Variants in SHISA9 observed in about 807,000 individuals in gnomAD.
The protein encoded by SHISA9 is protein shisa-9.
SHISA9 carries 13 observed loss-of-function variants against 38.0 expected under a neutral mutation model. The ratio of observed to expected loss-of-function variants is 0.34; its 90% confidence interval spans 0.22 to 0.54. The LOEUF (loss-of-function observed/expected upper bound fraction) is 0.54, where lower values mean the gene tolerates loss of function less well. Ranked by LOEUF, SHISA9 falls within the 20% of genes least tolerant of loss-of-function variation. The probability of loss-of-function intolerance (pLI) is 0.91; values close to 1 mark genes in which losing one functional copy is unlikely to be tolerated. For synonymous variants in SHISA9, 275 were observed against 242.0 expected, an observed-to-expected ratio of 1.14 and a Z score of -1.27; for missense variants, 538 against 575.8, an observed-to-expected ratio of 0.93 and a Z score of 0.67.
the SHISA9 span, among the ~76,000 whole-genome samples, chr16:13,471,586 C>T: frequency 6.6e-6 from 1 of 152,096 alleles, no homozygotes; most frequent in African/African-American, 2.4e-5. Flanking sequence ...CCTTGGAATG[C>T]ATCAATTGAG....
At chr16:13,378,396 C>CT in the SHISA9 span, among the ~76,000 whole-genome samples, 1 of 152,178 alleles carries the variant, frequency 6.6e-6, no homozygotes, top group East Asian at 1.9e-4. Context: ...CCTGGCATTA[C>CT]TAGAGTGCCT....
the SHISA9 span, among the ~76,000 whole-genome samples, chr16:13,322,119 G>A: frequency 7.2e-5 from 11 of 152,152 alleles, no homozygotes; most frequent in African/African-American, 1.9e-4. Context: ...TGCCAGCTAC[G>A]TAGTATATTA....
At chr16:13,384,156 T>C in the SHISA9 span, among the ~76,000 whole-genome samples, 1 of 152,204 alleles carries the variant, frequency 6.6e-6, no homozygotes, top group African/African-American at 2.4e-5. Flanking sequence ...CTAGCAAATT[T>C]CATTCTTCTC....
intron 2 of SHISA9, among the ~76,000 whole-genome samples, chr16:13,162,513 G>C (rs1596692693): frequency 6.6e-6 from 1 of 152,198 alleles, no homozygotes; most frequent in Admixed American, 6.5e-5. Context: ...ACACGAGACT[G>C]ATTGCTTGAC....
chr16:13,221,438 C>T (rs1482982434), intron 4 of SHISA9, among the ~76,000 whole-genome samples: 8 of 134,982 alleles, frequency 5.9e-5, no homozygotes, highest in Admixed American at 1.5e-4. Context: ...AATACCTGGA[C>T]TTTTTTTTTT....
the SHISA9 span, among the ~76,000 whole-genome samples, chr16:13,553,491 A>C: frequency 3.9e-5 from 6 of 152,194 alleles, no homozygotes; most frequent in Non-Finnish European, 8.8e-5. Flanking sequence ...AAGGTAAAGC[A>C]GGGATTCGAT....
intron 2 of SHISA9, among the ~76,000 whole-genome samples, chr16:13,144,530 G>C (rs540952034): frequency 7.2e-5 from 11 of 152,212 alleles, no homozygotes; most frequent in African/African-American, 2.6e-4. Context: ...TCTAGGTTCT[G>C]AGTTCTTTGG....
chr16:13,360,212 C>T, the SHISA9 span, among the ~76,000 whole-genome samples: 1 of 152,218 alleles, frequency 6.6e-6, no homozygotes. Context: ...CAAGACCACT[C>T]AGAGAACTGT....
chr16:13,398,378 T>C, the SHISA9 span, among the ~76,000 whole-genome samples: 7 of 152,276 alleles, frequency 4.6e-5, no homozygotes, highest in East Asian at 1.2e-3. Context: ...CACAGGGAGT[T>C]GATACTCCTA....
the SHISA9 span, among the ~76,000 whole-genome samples, chr16:13,521,259 C>CT: frequency 1.3e-5 from 2 of 152,230 alleles, no homozygotes; most frequent in Non-Finnish European, 1.5e-5. Flanking sequence ...TTCTTCCCTG[C>CT]TCACCATGTT....
chr16:13,083,804 G>C (rs1179772206), intron 2 of SHISA9, among the ~76,000 whole-genome samples: 1 of 152,170 alleles, frequency 6.6e-6, no homozygotes, highest in Non-Finnish European at 1.5e-5. Flanking sequence ...GACGAAGGTG[G>C]CTGTGAGCCA....
chr16:13,178,553 C>T (rs1428258339), intron 2 of SHISA9, among the ~76,000 whole-genome samples: 2 of 152,096 alleles, frequency 1.3e-5, no homozygotes, highest in African/African-American at 4.8e-5. Context: ...AACATTTAAC[C>T]ATTTGGCTAT....
At chr16:13,267,531 A>G in the SHISA9 span, among the ~76,000 whole-genome samples, 1 of 152,152 alleles carries the variant, frequency 6.6e-6, no homozygotes, top group African/African-American at 2.4e-5. Flanking sequence ...TAATTCAACA[A>G]TTCTACCTCC....
chr16:13,301,105 G>C, the SHISA9 span, among the ~76,000 whole-genome samples: 1 of 152,118 alleles, frequency 6.6e-6, no homozygotes, highest in Non-Finnish European at 1.5e-5. Context: ...GTATGCAAGA[G>C]TCTGCCCAGA....
chr16:13,421,715 C>G, the SHISA9 span, among the ~76,000 whole-genome samples: 2 of 152,136 alleles, frequency 1.3e-5, no homozygotes, highest in Non-Finnish European at 2.9e-5. Flanking sequence ...ATAAAAGAAC[C>G]CAATACAATA....
the SHISA9 span, among the ~76,000 whole-genome samples, chr16:13,539,598 G>GA: frequency 6.6e-6 from 1 of 151,900 alleles, no homozygotes; most frequent in Non-Finnish European, 1.5e-5. Flanking sequence ...GGTTTGATTT[G>GA]AATTTCCAAC....
the SHISA9 span, among the ~76,000 whole-genome samples, chr16:13,363,530 A>C: frequency 5.9e-5 from 9 of 152,192 alleles, no homozygotes; most frequent in Non-Finnish European, 1.3e-4. Context: ...GAAACAGAAG[A>C]GTAGGGAAGT....
At chr16:13,467,327 C>A in the SHISA9 span, among the ~76,000 whole-genome samples, 1 of 152,164 alleles carries the variant, frequency 6.6e-6, no homozygotes, top group Non-Finnish European at 1.5e-5. Context: ...TCCCACTCCC[C>A]CAGAGCAGAA....
chr16:13,065,137 G>A (rs1398812610), intron 2 of SHISA9, among the ~76,000 whole-genome samples: 1 of 152,132 alleles, frequency 6.6e-6, no homozygotes, highest in Non-Finnish European at 1.5e-5. Context: ...CCTAACAAGG[G>A]TATCAGTTGT....
Sources: allele counts gnomAD v4.1 joint callset (sites outside exome capture counted in the v4.1 genomes callset), GRCh38; gene constraint gnomAD v4.1.1; transcripts MANE v1.5; gene names NCBI Gene and HGNC (gene_info 2026-07-23, HGNC 2026-07-21).